The following CNMD variants were observed in gnomAD, a reference collection of about 807,000 sequenced individuals.
The protein encoded by CNMD is leukocyte cell-derived chemotaxin 1.
A neutral mutation model predicts 37.5 loss-of-function variants in CNMD; 30 were observed. The observed-to-expected ratio is 0.80, with a 90% CI of 0.60 to 1.09. The LOEUF is 1.09. Ranked by LOEUF, CNMD falls within the 50% of genes least tolerant of loss-of-function variation. The probability of loss-of-function intolerance (pLI) is 0.00; values close to 1 mark genes in which losing one functional copy is unlikely to be tolerated. For synonymous variants in CNMD, 167 were observed against 148.2 expected, an observed-to-expected ratio of 1.13 and a Z score of -0.92; for missense variants, 398 against 423.9, an observed-to-expected ratio of 0.94 and a Z score of 0.54.
In CNMD at chr13:52,724,054, C is replaced by T. The variant is rs201903908; in HGVS notation, c.411G>A (p.Val137=). ...GGEKCYIKAQ[V]KARIPEVGAV... is the part of the protein sequence containing the mutation. ...CGCCCACCTCAGGAATACGAGCCTT[C>T]ACTTGCGCTTTAATGTAGCACTTCT... The change falls in exon 4 of 7, where the codon GTG becomes GTA. Residue 137 remains valine, a synonymous_variant. Coordinates refer to ENST00000377962, the MANE Select transcript of CNMD (RefSeq NM_007015.3). 6.2e-7 allele frequency: 1 copy of T among 1,614,146 alleles called. No individual in the cohort carries two copies. The highest frequency in any genetic ancestry group is 8.5e-7 in the Non-Finnish European group (1 of 1,180,018).
At chr13:52,715,587 G>A (rs1964363519) in intron 4 of CNMD, among the ~76,000 whole-genome samples, 1 of 152,162 alleles carries the variant, frequency 6.6e-6, no homozygotes, top group Non-Finnish European at 1.5e-5. Context: ...CTACTTGTGA[G>A]TGAGAACATG....
At chr13:52,731,473 G>A (rs1964667552) in intron 3 of CNMD, among the ~76,000 whole-genome samples, 1 of 152,072 alleles carries the variant, frequency 6.6e-6, no homozygotes, top group Admixed American at 6.5e-5. Context: ...CCCATAACAG[G>A]TTCTATCCAT....
chr13:52,722,379 T>C (rs916412937), intron 4 of CNMD, among the ~76,000 whole-genome samples: 1 of 152,134 alleles, frequency 6.6e-6, no homozygotes, highest in Non-Finnish European at 1.5e-5. Context: ...TTTTCCTCTT[T>C]TGCCTTGAGG....
At chr13:52,718,226 T>C (rs9526989) in intron 4 of CNMD, among the ~76,000 whole-genome samples, 11,825 of 152,088 alleles carry the variant, frequency 0.078, 668 homozygotes, top group African/African-American at 0.16. Flanking sequence ...TTTGATTCTT[T>C]TCTCTTTTCT....
intron 2 of CNMD, 114 bp downstream of exon 2, chr13:52,738,917 T>TG: frequency 1.0e-6 from 1 of 990,598 alleles, no homozygotes; most frequent in Non-Finnish European, 1.3e-6. Flanking sequence ...GAGCTCACGC[T>TG]GGGCCCGAGG....
intron 5 of CNMD, among the ~76,000 whole-genome samples, chr13:52,710,337 A>G (rs1290615270): frequency 1.3e-5 from 2 of 152,212 alleles, no homozygotes; most frequent in Non-Finnish European, 2.9e-5. Flanking sequence ...TAGTTTCTTC[A>G]TCTATAAAAC....
chr13:52,739,440 AC>A lies in CNMD; in HGVS notation c.72+189del. On this transcript the variant is annotated intron_variant, in intron 1 of 6. Transcript: ENST00000377962. The surrounding 1 kb of genome is among the most constrained non-coding windows in gnomAD (Gnocchi z 5.4). ...TACCGGCCACGGGACGTCCCTCCGCACCCGCCTGTGGATGCCGTGACCCCTG... is the reference window on the plus strand; with the variant it reads ...TACCGGCCACGGGACGTCCCTCCGCACCGCCTGTGGATGCCGTGACCCCTG... The A allele has an allele frequency of 1.5e-6, 1 of 673,324 alleles. No homozygotes were observed. Among genetic ancestry groups the A allele is most frequent in the East Asian group, 2.8e-5 (1 of 35,862 alleles). The allele number at this position is 673,324 out of a possible 1,614,324, so 41.7% of individuals were successfully genotyped here.
At chr13:52,718,143 G>A (rs983383180) in intron 4 of CNMD, among the ~76,000 whole-genome samples, 4 of 152,096 alleles carry the variant, frequency 2.6e-5, no homozygotes, top group Admixed American at 6.5e-5. Context: ...GGTGTTTATA[G>A]CATTATCTGA....
intron 3 of CNMD, among the ~76,000 whole-genome samples, chr13:52,730,492 C>G (rs1190954577): frequency 6.6e-6 from 1 of 151,766 alleles, no homozygotes; most frequent in African/African-American, 2.4e-5. Flanking sequence ...CTGTTGTTTC[C>G]TGACTTTTTA....
intron 4 of CNMD, among the ~76,000 whole-genome samples, chr13:52,718,506 G>A (rs1490333422): frequency 6.6e-6 from 1 of 152,106 alleles, no homozygotes; most frequent in Non-Finnish European, 1.5e-5. Context: ...TCTAAACACT[G>A]CTTTAGCTGT....
At chr13:52,708,780 CAT>C (rs1303086738) in intron 5 of CNMD, 78 bp from the exon 6 acceptor site, 5 of 1,228,406 alleles carry the variant, frequency 4.1e-6, no homozygotes, top group Non-Finnish European at 4.5e-6. Flanking sequence ...GGGTGAAAAA[CAT>C]AAGAAAAGGA....
chr13:52,733,993 A>G (rs75297616), intron 2 of CNMD, among the ~76,000 whole-genome samples: 8,998 of 152,262 alleles, frequency 0.059, 305 homozygotes, highest in East Asian at 0.11. Context: ...AGGAAGGCCA[A>G]TGTGCATGTT....
At position 52,737,937 on chromosome 13, in the gene CNMD, C is replaced by T. The variant is rs1255884173; in HGVS notation, c.213+1094G>A. 3.3e-5 allele frequency among the ~76,000 whole-genome samples: 5 copies of T among 152,314 alleles called. No individual in the cohort carries two copies. The East Asian group carries it at 5.8e-4, about 18-fold the overall frequency. ...TTTGATATAGTCTCTAAAACAGACT[C>T]GGTGCTAAATGGCATGCTTATCTAC... On this transcript the variant is annotated intron_variant, in intron 2 of 6. Coordinates refer to ENST00000377962, the MANE Select transcript of CNMD (RefSeq NM_007015.3).
At chr13:52,729,842 A>T (rs1364149236) in intron 3 of CNMD, among the ~76,000 whole-genome samples, 1 of 151,900 alleles carries the variant, frequency 6.6e-6, no homozygotes, top group African/African-American at 2.4e-5. Flanking sequence ...TTTTATTATT[A>T]TTATACTTTA....
Position 52,739,485 on chromosome 13 carries a change from G to A in CNMD, c.72+145C>T, listed in dbSNP as rs959501711. 28 of 766,272 alleles carry A rather than the reference G, an allele frequency of 3.7e-5. No homozygotes were observed. Among genetic ancestry groups the A allele is most frequent in the Non-Finnish European group, 4.9e-5 (22 of 451,816 alleles). 47.5% of individuals were successfully genotyped at this position (766,272 alleles called of 1,614,324 possible). ...ACCCCTGCACACTCATACGCGTGGG[G>A]CGACATCCCACCCACACATTTGGGA... is the stretch of plus-strand genomic sequence containing the variant. On this transcript the variant is annotated intron_variant, in intron 1 of 6. Coordinates refer to ENST00000377962, the MANE Select transcript of CNMD (RefSeq NM_007015.3). The surrounding 1 kb of genome is among the most constrained non-coding windows in gnomAD (Gnocchi z 5.4).
chr13:52,735,771 A>G (rs921945263), intron 2 of CNMD, among the ~76,000 whole-genome samples: 1 of 150,920 alleles, frequency 6.6e-6, no homozygotes, highest in Admixed American at 6.6e-5. Flanking sequence ...CGCATGCAGG[A>G]CCACAGATTG....
chr13:52,714,272 C>T (rs1252963291), intron 4 of CNMD, among the ~76,000 whole-genome samples: 1 of 152,150 alleles, frequency 6.6e-6, no homozygotes, highest in African/African-American at 2.4e-5. Flanking sequence ...GCCACCGAGC[C>T]AATGCCTGCA....
At chr13:52,710,185 A>G (rs1207877690) in intron 5 of CNMD, among the ~76,000 whole-genome samples, 3 of 152,174 alleles carry the variant, frequency 2.0e-5, no homozygotes, top group African/African-American at 7.2e-5. Flanking sequence ...ATTTAGGAGA[A>G]CTAAGATGTG....
chr13:52,717,183 C>A (rs537318805), intron 4 of CNMD, among the ~76,000 whole-genome samples: 146 of 152,272 alleles, frequency 9.6e-4, no homozygotes, highest in Non-Finnish European at 4.0e-4. Flanking sequence ...GATTTTTGCA[C>A]ATGGATTTTG....
Sources: gnomAD v4.1 joint callset for allele counts (sites outside exome capture counted in the v4.1 genomes callset) on GRCh38, gnomAD v4.1.1 for gene constraint, Gnocchi (gnomAD v3.1) non-coding constraint, MANE v1.5 for transcripts, NCBI Gene and HGNC (gene_info 2026-07-23, HGNC 2026-07-21) for gene names.